The following NTN4 variants were observed in gnomAD, a reference collection of about 807,000 sequenced individuals.
NTN4 encodes netrin-4.
Under a neutral mutation model 73.6 loss-of-function variants are expected in NTN4, and 32 were observed. The ratio of observed to expected loss-of-function variants is 0.44; its 90% CI spans 0.33 to 0.58. The LOEUF (loss-of-function observed/expected upper bound fraction) is 0.58, where lower values mean the gene tolerates loss of function less well. Among genes scored for constraint, NTN4 ranks in the 20% least tolerant of loss-of-function variants. The pLI, the probability that NTN4 is intolerant of heterozygous loss-of-function variation, is 0.04. For synonymous variants in NTN4, 258 were observed against 287.5 expected, an observed-to-expected ratio of 0.90 and a Z score of 1.04; for missense variants, 654 against 798.3, an observed-to-expected ratio of 0.82 and a Z score of 2.18.
chr12:95,776,891 A>G (rs1396369217), intron 2 of NTN4, among the ~76,000 whole-genome samples: 1 of 152,188 alleles, frequency 6.6e-6, no homozygotes, highest in Non-Finnish European at 1.5e-5. Flanking sequence ...GAAGGAAAAA[A>G]TGTTAAGAGC....
intron 7 of NTN4, among the ~76,000 whole-genome samples, chr12:95,681,970 T>C (rs1384689501): frequency 2.6e-5 from 4 of 152,004 alleles, no homozygotes; most frequent in Non-Finnish European, 5.9e-5. Flanking sequence ...AGCTTTTGCT[T>C]TGTACCTATT....
rs199662575 is a variant in NTN4, at chr12:95,738,251, CGATAA to C, written c.586-112_586-108del. 5,645 of 1,078,078 alleles carry C rather than the reference CGATAA, an allele frequency of 5.2e-3. 145 individuals carry two copies. The African/African-American group carries it at 0.065, about 12-fold the overall frequency. The allele number at this position is 1,078,078 out of a possible 1,614,324, so 66.8% of individuals were successfully genotyped here. A position where few individuals can be genotyped will look rare whatever the true frequency, so the allele number is the denominator to read the frequency against. On this transcript the variant is annotated intron_variant, in intron 2 of 9. Transcript: ENST00000343702. ...ATTTATGCCTTATGTCATCTGTGAACGATAAGATAACAAGAAGTTTTTAGACCTTG... is the reference window on the plus strand; with the variant it reads ...ATTTATGCCTTATGTCATCTGTGAACGATAACAAGAAGTTTTTAGACCTTG...
chr12:95,686,501 G>A (rs923067027), intron 5 of NTN4, among the ~76,000 whole-genome samples: 1 of 152,182 alleles, frequency 6.6e-6, no homozygotes, highest in Non-Finnish European at 1.5e-5. Context: ...GCTCACACCT[G>A]TAATCCCTGC....
chr12:95,747,656 T>C (rs868509927), intron 2 of NTN4, among the ~76,000 whole-genome samples: 2 of 152,132 alleles, frequency 1.3e-5, no homozygotes, highest in Admixed American at 6.6e-5. Context: ...CATCCTTATA[T>C]ATCCCCAACA....
chr12:95,756,376 G>A (rs1270054202), intron 2 of NTN4, among the ~76,000 whole-genome samples: 11 of 152,084 alleles, frequency 7.2e-5, no homozygotes. Context: ...TTTCTTCAAA[G>A]GTCTGAGATG....
At chr12:95,663,639 A>T (rs949261058) in intron 9 of NTN4, 2 of 152,258 alleles carry the variant, frequency 1.3e-5, no homozygotes, top group African/African-American at 4.8e-5. Context: ...TTGAACTTGT[A>T]AAAATGGAAA....
intron 2 of NTN4, 92 bp from the exon 3 acceptor site, chr12:95,738,236 T>C: frequency 8.5e-7 from 1 of 1,176,650 alleles, no homozygotes; most frequent in Non-Finnish European, 1.2e-6. Context: ...ATTTATGCCT[T>C]ATGTCATCTG....
intron 2 of NTN4, among the ~76,000 whole-genome samples, chr12:95,778,941 A>G (rs1469770128): frequency 6.6e-6 from 1 of 152,246 alleles, no homozygotes; most frequent in Non-Finnish European, 1.5e-5. Flanking sequence ...CCAGCAGCAC[A>G]TCAAAACGCT....
chr12:95,701,660 G>A (rs1229929377), intron 5 of NTN4, among the ~76,000 whole-genome samples: 3 of 152,128 alleles, frequency 2.0e-5, no homozygotes, highest in Non-Finnish European at 4.4e-5. Context: ...TCAGGGCCTC[G>A]TTTCTTCAGG....
Position 95,710,462 on chromosome 12 carries a change from A to G in NTN4, c.1159T>C (p.Ser387Pro). 1 of 1,613,774 alleles carries G rather than the reference A, an allele frequency of 6.2e-7. No individual in the cohort carries two copies. Among genetic ancestry groups the G allele is most frequent in the Admixed American group, 1.7e-5 (1 of 59,964 alleles). Reference sequence around the variant, plus strand: ...TTACGTTTGCAAGCATCTGGAGCTGAGAAGGGTCTCCGCAGGTCACGATAG... The same window carrying G: ...TTACGTTTGCAAGCATCTGGAGCTGGGAAGGGTCTCCGCAGGTCACGATAG... Reference protein sequence around the residue: ...GFYRDLRRPFSAPDACKPCSC... With the variant: ...GFYRDLRRPFPAPDACKPCSC... Residue 387 changes from serine to proline, a missense_variant, in exon 5 of 10, where the codon TCA (serine) becomes CCA (proline). Physicochemically the swap from Ser to Pro is moderately conservative, Grantham distance 74 (BLOSUM62 -1). Transcript: ENST00000343702.
Position 95,786,929 on chromosome 12 carries a change from G to A in NTN4, c.585+10C>T, listed in dbSNP as rs1565920724. 4 of 1,610,528 alleles carry A rather than the reference G, an allele frequency of 2.5e-6. No individual in the cohort carries two copies. The highest frequency in any genetic ancestry group is 3.4e-6 in the Non-Finnish European group (4 of 1,177,254). On this transcript the variant is annotated intron_variant, in intron 2 of 9. Coordinates refer to ENST00000343702, the MANE Select transcript of NTN4 (RefSeq NM_021229.4). ...TTACTTACAGTGTAGAGTTAAACAG[G>A]TGCCCTTACCTCTCCTCCAGTGCAT...
intron 9 of NTN4, among the ~76,000 whole-genome samples, chr12:95,660,692 T>C (rs1228924827): frequency 1.3e-5 from 2 of 152,174 alleles, no homozygotes; most frequent in Non-Finnish European, 2.9e-5. Context: ...GATAAAATAA[T>C]TATGTTTATA....
intron 3 of NTN4, among the ~76,000 whole-genome samples, chr12:95,733,045 A>T (rs962058648): frequency 1.3e-5 from 2 of 152,234 alleles, no homozygotes; most frequent in African/African-American, 4.8e-5. Flanking sequence ...ATAAGCTCCA[A>T]ATTACAGGAG....
At chr12:95,770,332 T>C (rs1269527378) in intron 2 of NTN4, among the ~76,000 whole-genome samples, 1 of 152,164 alleles carries the variant, frequency 6.6e-6, no homozygotes. Flanking sequence ...TCTTCTGAGC[T>C]TTCATGATCA....
intron 7 of NTN4, among the ~76,000 whole-genome samples, chr12:95,680,653 AT>A (rs1218310059): frequency 6.6e-6 from 1 of 152,244 alleles, no homozygotes; most frequent in East Asian, 1.9e-4. Context: ...TTTTATATGA[AT>A]TTTTTTGAGA....
intron 5 of NTN4, among the ~76,000 whole-genome samples, chr12:95,690,510 T>C (rs74881869): frequency 0.014 from 2,057 of 152,310 alleles, 47 homozygotes; most frequent in East Asian, 0.086. Flanking sequence ...ATTTCCTAAT[T>C]TTTTTCTTCA....
At position 95,690,824 on chromosome 12, in the gene NTN4, C is replaced by T. The variant is rs949512850; in HGVS notation, c.1181-7113G>A. Among the ~76,000 whole-genome samples, 7 of 152,076 alleles carry T rather than the reference C, an allele frequency of 4.6e-5. No individual in the cohort carries two copies. In the East Asian group the frequency reaches 7.7e-4, roughly 17 times the overall value. ...AGCCAGAAGAAAGATATTATAAGAACCCCTTCTATGGTAATATATGGTAGT... is the reference window on the plus strand; with the variant it reads ...AGCCAGAAGAAAGATATTATAAGAATCCCTTCTATGGTAATATATGGTAGT... On this transcript the variant is annotated intron_variant, in intron 5 of 9. Transcript: ENST00000343702.
intron 3 of NTN4, among the ~76,000 whole-genome samples, chr12:95,718,593 A>G (rs1377158233): frequency 1.3e-5 from 2 of 152,046 alleles, no homozygotes; most frequent in Non-Finnish European, 2.9e-5. Context: ...TAAATGACAT[A>G]TAGCTGGATC....
intron 2 of NTN4, among the ~76,000 whole-genome samples, chr12:95,763,289 T>C (rs1190645733): frequency 6.6e-6 from 1 of 151,124 alleles, no homozygotes; most frequent in African/African-American, 2.4e-5. Flanking sequence ...CTCAAATTTC[T>C]CAATGCAAGA....
Sources: allele counts gnomAD v4.1 joint callset (sites outside exome capture counted in the v4.1 genomes callset), GRCh38; gene constraint gnomAD v4.1.1; transcripts MANE v1.5; gene names NCBI Gene and HGNC (gene_info 2026-07-23, HGNC 2026-07-21).